The following MED27 variants were observed in gnomAD, a reference collection of about 807,000 sequenced individuals.
MED27 encodes the protein mediator complex subunit 27, also known as mediator of RNA polymerase II transcription subunit 27.
A neutral mutation model predicts 38.2 loss-of-function variants in MED27; 30 were observed. That is an observed-to-expected ratio of 0.79 (90% CI 0.59 to 1.07). The LOEUF is 1.07. Ranked by LOEUF, MED27 falls within the 50% of genes least tolerant of loss-of-function variation. MED27 has a pLI of 0.00. For synonymous variants in MED27, 122 were observed against 153.5 expected (o/e 0.79, Z 1.52); for missense variants, 289 against 397.5 (o/e 0.73, Z 2.32).
chr9:131,916,030 A>G (rs1212606279), intron 4 of MED27, among the ~76,000 whole-genome samples: 1 of 152,204 alleles, frequency 6.6e-6, no homozygotes, highest in Non-Finnish European at 1.5e-5. Flanking sequence ...TATATAATCA[A>G]TAATACCATA....
intron 3 of MED27, among the ~76,000 whole-genome samples, chr9:131,961,997 T>C (rs1412823336): frequency 6.6e-6 from 1 of 152,212 alleles, no homozygotes; most frequent in African/African-American, 2.4e-5. Context: ...AGAGGATAGC[T>C]AGTCTAAATT....
At chr9:132,069,182 C>T (rs1239095420) in intron 2 of MED27, among the ~76,000 whole-genome samples, 1 of 152,174 alleles carries the variant, frequency 6.6e-6, no homozygotes, top group African/African-American at 2.4e-5. Context: ...GGAAGAGAGT[C>T]AAGCAGGGTA....
chr9:132,054,997 A>G (rs1833545360), intron 2 of MED27, among the ~76,000 whole-genome samples: 1 of 152,034 alleles, frequency 6.6e-6, no homozygotes, highest in Non-Finnish European at 1.5e-5. Context: ...AGCCTCTCAG[A>G]AGGGCGCTTT....
At position 131,883,385 on chromosome 9, in the gene MED27, A is replaced by C. The variant is rs1456757680; in HGVS notation, c.723+673T>G. ...GAATCCTCATCAGCCACAGGGCCTG[A>C]GTTAGTCCAGGGAAGGGGCCCTGCA... On this transcript the variant is annotated intron_variant, in intron 6 of 7. Transcript: ENST00000292035. The surrounding 1 kb of genome is among the most constrained non-coding windows in gnomAD (Gnocchi z 4.2). Among the ~76,000 whole-genome samples the C allele has an allele frequency of 6.6e-6, 1 of 152,188 alleles. No homozygotes were observed. The highest frequency in any genetic ancestry group is 1.5e-5 in the Non-Finnish European group (1 of 68,030).
At chr9:131,900,844 G>T (rs1054136509) in intron 4 of MED27, among the ~76,000 whole-genome samples, 1 of 151,962 alleles carries the variant, frequency 6.6e-6, no homozygotes, top group Non-Finnish European at 1.5e-5. Flanking sequence ...CAAAATAAAA[G>T]TCTGATATGT....
intron 4 of MED27, among the ~76,000 whole-genome samples, chr9:131,900,612 C>G (rs1829925453): frequency 6.6e-6 from 1 of 151,820 alleles, no homozygotes; most frequent in Non-Finnish European, 1.5e-5. Context: ...GTGAGCTGAC[C>G]AAAAACTTAC....
At position 131,888,741 on chromosome 9, in the gene MED27, G is replaced by A. The variant is rs564580456; in HGVS notation, c.682-4642C>T. 7.0e-3 allele frequency among the ~76,000 whole-genome samples: 1,073 copies of A among 152,224 alleles called. 10 individuals are homozygous for A. Among genetic ancestry groups the A allele is most frequent in the Non-Finnish European group, 0.012 (818 of 68,022 alleles). On this transcript the variant is annotated intron_variant, in intron 5 of 7. Transcript: ENST00000292035. The stretch of plus-strand genomic sequence containing the variant: ...GGTAGAATGCTGCAAACCAGCTATG[G>A]TGACGGATCTCTCCATGTTGTTACC...
chr9:131,986,729 C>T (rs1485465172), intron 3 of MED27, among the ~76,000 whole-genome samples: 1 of 152,118 alleles, frequency 6.6e-6, no homozygotes, highest in Non-Finnish European at 1.5e-5. Context: ...TGATGCATGA[C>T]TGTATTTACC....
intron 4 of MED27, among the ~76,000 whole-genome samples, chr9:131,928,727 A>G (rs1830526188): frequency 6.6e-6 from 1 of 152,274 alleles, no homozygotes; most frequent in Admixed American, 6.5e-5. Flanking sequence ...TGAGTTTCTC[A>G]GCAAGCCTTG....
chr9:131,918,987 C>T (rs768091756), intron 4 of MED27, among the ~76,000 whole-genome samples: 3 of 152,202 alleles, frequency 2.0e-5, no homozygotes, highest in Admixed American at 6.5e-5. Context: ...AGGACATCCA[C>T]ACACAGAAAA....
At chr9:132,073,761 CA>C in intron 2 of MED27, 1 of 1,497,738 alleles carries the variant, frequency 6.7e-7, no homozygotes, top group Non-Finnish European at 8.8e-7. Context: ...AAAAAAAAAT[CA>C]AACGTGAAAA....
chr9:132,017,303 G>A (rs952625971), intron 2 of MED27, among the ~76,000 whole-genome samples: 2 of 152,168 alleles, frequency 1.3e-5, no homozygotes, highest in Admixed American at 6.5e-5. Flanking sequence ...TAAAACAGCA[G>A]AAGGGAGTTC....
At position 131,938,992 on chromosome 9, in the gene MED27, C is replaced by T. The variant is rs369529284; in HGVS notation, c.573+389G>A. 2.1e-3 allele frequency among the ~76,000 whole-genome samples: 318 copies of T among 152,280 alleles called. 1 individual carries two copies. Among genetic ancestry groups the T allele is most frequent in the African/African-American group, 7.3e-3 (304 of 41,564 alleles). On this transcript the variant is annotated intron_variant, in intron 4 of 7. Coordinates refer to ENST00000292035, the MANE Select transcript of MED27 (RefSeq NM_004269.4). Reference sequence around the variant, plus strand: ...CCTCCCAAAGTGCTGGGATTACAGGCGTGAGTCACCGCGCCTGGCGAGAGT... The same window carrying T: ...CCTCCCAAAGTGCTGGGATTACAGGTGTGAGTCACCGCGCCTGGCGAGAGT...
At chr9:131,998,206 G>A (rs1488911634) in intron 3 of MED27, among the ~76,000 whole-genome samples, 1 of 150,788 alleles carries the variant, frequency 6.6e-6, no homozygotes, top group Non-Finnish European at 1.5e-5. Flanking sequence ...GCTACGAACA[G>A]CAAAACAGGG....
intron 2 of MED27, among the ~76,000 whole-genome samples, chr9:132,038,346 T>C (rs891221668): frequency 6.6e-6 from 1 of 151,416 alleles, no homozygotes; most frequent in African/African-American, 2.4e-5. Context: ...CGCCCGCCAC[T>C]ACGCCCGGCT....
At chr9:131,904,541 G>GA (rs986548626) in intron 4 of MED27, among the ~76,000 whole-genome samples, 4 of 134,740 alleles carry the variant, frequency 3.0e-5, no homozygotes, top group African/African-American at 1.4e-4. Flanking sequence ...ATAGAGATCG[G>GA]GGGGGAGCGG....
chr9:131,939,474 T>A lies in MED27; in HGVS notation c.480A>T (p.Gln160His). Residue 160 changes from glutamine (Q) to histidine (H), a missense_variant and splice_region_variant, in exon 4 of 8, where the codon CAA (glutamine) becomes CAT (histidine). Coordinates refer to ENST00000292035, the MANE Select transcript of MED27 (RefSeq NM_004269.4). Reference sequence around the variant, plus strand: ...TGCGGCTGATCACATCATCAACATATCTACATGGGAAAAAAATAAACATGT... The same window carrying A: ...TGCGGCTGATCACATCATCAACATAACTACATGGGAAAAAAATAAACATGT... ...AQPTTLVLPP[Q>H]YVDDVISRID... The A allele has an allele frequency of 6.3e-7, 1 of 1,597,172 alleles. No homozygotes were observed. The highest frequency in any genetic ancestry group is 8.5e-7 in the Non-Finnish European group (1 of 1,171,654).
chr9:131,895,796 A>G (rs1829822424), intron 4 of MED27, among the ~76,000 whole-genome samples: 1 of 152,096 alleles, frequency 6.6e-6, no homozygotes, highest in Admixed American at 6.5e-5. Flanking sequence ...GAAAATCCCT[A>G]TCTAAGGATG....
At position 132,079,736 on chromosome 9, in the gene MED27, C is replaced by T; in HGVS notation, c.109G>A (p.Asp37Asn). The T allele has an allele frequency of 1.2e-6, 2 of 1,614,076 alleles. No individual in the cohort carries two copies. The highest frequency in any genetic ancestry group is 1.7e-6 in the Non-Finnish European group (2 of 1,179,980). The change falls in exon 1 of 8, where the codon GAT becomes AAT. Residue 37 changes from aspartate to asparagine, a missense_variant. Transcript: ENST00000292035. ...AGCGTCTCCTTGTTCCGCATCCCATCCTTCAGGCAGTCGAACACCCTGCTC... is the reference window on the plus strand; with the variant it reads ...AGCGTCTCCTTGTTCCGCATCCCATTCTTCAGGCAGTCGAACACCCTGCTC... ...SVSRVFDCLK[D>N]GMRNKETLEG...
Sources: gnomAD v4.1 joint callset for allele counts (sites outside exome capture counted in the v4.1 genomes callset) on GRCh38, gnomAD v4.1.1 for gene constraint, Gnocchi (gnomAD v3.1) non-coding constraint, MANE v1.5 for transcripts, NCBI Gene and HGNC (gene_info 2026-07-23, HGNC 2026-07-21) for gene names.